Variants in FRYL observed in about 807,000 individuals in gnomAD.
FRYL encodes protein furry homolog-like.
Under a neutral mutation model 351.2 loss-of-function variants are expected in FRYL, and 150 were observed. The ratio of observed to expected loss-of-function variants is 0.43; its 90% CI spans 0.37 to 0.49. The LOEUF (loss-of-function observed/expected upper bound fraction) is 0.49. Among genes scored for constraint, FRYL ranks in the 20% least tolerant of loss-of-function variants. FRYL has a pLI of 0.00. For missense variants in FRYL, 3,036 were observed against 3,619.3 expected, an observed-to-expected ratio of 0.84 and a Z score of 4.13; for synonymous variants, 1,153 against 1,257.1, an observed-to-expected ratio of 0.92 and a Z score of 1.75.
At chr4:48,656,421 AT>A (rs1759158650) in intron 3 of FRYL, among the ~76,000 whole-genome samples, 1 of 35,024 alleles carries the variant, frequency 2.9e-5, no homozygotes, top group Non-Finnish European at 5.0e-5. Context: ...TAATGTATAT[AT>A]AATGTATAAT....
chr4:48,603,110 A>C (rs974180302), intron 12 of FRYL, among the ~76,000 whole-genome samples, 180 bp downstream of exon 12: 2 of 152,242 alleles, frequency 1.3e-5, no homozygotes, highest in Non-Finnish European at 2.9e-5. Flanking sequence ...AGTAAAATTA[A>C]GAACAGAACA....
chr4:48,637,756 A>G (rs1754529197), intron 3 of FRYL: 1 of 152,122 alleles, frequency 6.6e-6, no homozygotes, highest in Non-Finnish European at 1.5e-5. Context: ...AAATATCAGT[A>G]TTTTTGGATG....
At chr4:48,716,334 A>G (rs1768824376) in intron 1 of FRYL, among the ~76,000 whole-genome samples, 1 of 151,490 alleles carries the variant, frequency 6.6e-6, no homozygotes, top group African/African-American at 2.4e-5. Flanking sequence ...CAGAGTGAAC[A>G]GGCAACCCAC....
At chr4:48,659,138 G>T (rs955657586) in intron 3 of FRYL, among the ~76,000 whole-genome samples, 4 of 152,028 alleles carry the variant, frequency 2.6e-5, no homozygotes, top group African/African-American at 9.6e-5. Context: ...ATTGCTTGAG[G>T]CCAGGAGATC....
At position 48,605,694 on chromosome 4, in the gene FRYL, G is replaced by A. The variant is rs540358473; in HGVS notation, c.834+47C>T. ...AAAATAAAAGTATAAGGTTGATAAG[G>A]TTCTTGTATAACACACAAATGGTAT... On this transcript the variant is annotated intron_variant, in intron 11 of 63. Transcript: ENST00000358350. 4.2e-6 allele frequency: 5 copies of A among 1,191,196 alleles called. No homozygotes were observed. In the South Asian group the frequency reaches 6.3e-5, roughly 15 times the overall value. 73.8% of individuals were successfully genotyped at this position (1,191,196 alleles called of 1,614,324 possible). A position where few individuals can be genotyped will look rare whatever the true frequency, so the allele number is the denominator to read the frequency against.
At position 48,603,270 on chromosome 4, in the gene FRYL, T is replaced by C; in HGVS notation, c.933+20A>G. ...AAAATCCCAATTAAATATGAAAAGGTTTGAAATGTTTCTTAATACCAATGA... is the reference window on the plus strand; with the variant it reads ...AAAATCCCAATTAAATATGAAAAGGCTTGAAATGTTTCTTAATACCAATGA... On this transcript the variant is annotated intron_variant, in intron 12 of 63. Coordinates refer to ENST00000358350, the MANE Select transcript of FRYL (RefSeq NM_015030.2). The C allele has an allele frequency of 6.9e-7, 1 of 1,439,482 alleles. No individual in the cohort carries two copies. The highest frequency in any genetic ancestry group is 9.7e-7 in the Non-Finnish European group (1 of 1,033,728). 89.2% of individuals were successfully genotyped at this position (1,439,482 alleles called of 1,614,324 possible).
At chr4:48,546,347 T>C (rs1474179178) in intron 41 of FRYL, 76 bp from the exon 42 acceptor site, 1 of 1,143,516 alleles carries the variant, frequency 8.7e-7, no homozygotes, top group Non-Finnish European at 1.3e-6. Context: ...TAAACTGTTG[T>C]TCCTTAGACT....
At chr4:48,591,265 G>A (rs1309953294) in intron 16 of FRYL, among the ~76,000 whole-genome samples, 2 of 152,138 alleles carry the variant, frequency 1.3e-5, no homozygotes, top group African/African-American at 4.8e-5. Flanking sequence ...TTGGTATAGT[G>A]AGGGAGTGAC....
chr4:48,619,545 G>A (rs1414129283), intron 6 of FRYL, among the ~76,000 whole-genome samples, 175 bp from the exon 7 acceptor site: 1 of 152,048 alleles, frequency 6.6e-6, no homozygotes, highest in African/African-American at 2.4e-5. Context: ...ACAGGGTCTC[G>A]TTCTGTCACC....
At chr4:48,557,329 T>TC (rs1425228660) in intron 34 of FRYL, 124 bp downstream of exon 34, 6 of 1,326,018 alleles carry the variant, frequency 4.5e-6, no homozygotes, top group Non-Finnish European at 5.1e-6. Context: ...ATCTAATGAG[T>TC]CTTTTTTAAA....
intron 8 of FRYL, 136 bp from the exon 9 acceptor site, chr4:48,609,203 C>T (rs1747519295): frequency 3.2e-6 from 2 of 618,612 alleles, no homozygotes; most frequent in Non-Finnish European, 2.9e-6. Context: ...AAAAGCAATA[C>T]TAATTTTATT....
intron 4 of FRYL, among the ~76,000 whole-genome samples, chr4:48,627,915 C>A (rs1175920887): frequency 6.6e-6 from 1 of 152,178 alleles, no homozygotes; most frequent in Admixed American, 6.5e-5. Context: ...GGATTACAGG[C>A]GCCTACTACC....
chr4:48,765,065 G>A (rs184682758), intron 1 of FRYL, among the ~76,000 whole-genome samples: 12 of 152,158 alleles, frequency 7.9e-5, no homozygotes, highest in Non-Finnish European at 1.6e-4. Flanking sequence ...AGCTGCTCTT[G>A]AACTCCTGAC....
chr4:48,639,457 A>C (rs1754903873), intron 3 of FRYL, among the ~76,000 whole-genome samples: 1 of 147,506 alleles, frequency 6.8e-6, no homozygotes, highest in Admixed American at 6.9e-5. Flanking sequence ...TGCCACAAAT[A>C]GTACTAGAAT....
intron 3 of FRYL, among the ~76,000 whole-genome samples, chr4:48,668,730 G>A (rs935914711): frequency 2.0e-5 from 3 of 152,158 alleles, no homozygotes; most frequent in African/African-American, 2.4e-5. Flanking sequence ...GAGGCTAGGC[G>A]GTGAGGAAAA....
At chr4:48,630,394 T>C (rs1368843076) in intron 4 of FRYL, among the ~76,000 whole-genome samples, 2 of 152,066 alleles carry the variant, frequency 1.3e-5, no homozygotes, top group Non-Finnish European at 2.9e-5. Flanking sequence ...TCAAAAAAAA[T>C]AGTGAAAATT....
At chr4:48,612,617 C>T (rs1227012967) in intron 7 of FRYL, among the ~76,000 whole-genome samples, 2 of 152,192 alleles carry the variant, frequency 1.3e-5, no homozygotes, top group African/African-American at 2.4e-5. Context: ...CTCTGTCACC[C>T]AGGCTGGATA....
chr4:48,538,851 T>C (rs570711449), intron 47 of FRYL, among the ~76,000 whole-genome samples: 4 of 152,260 alleles, frequency 2.6e-5, no homozygotes, highest in African/African-American at 9.6e-5. Flanking sequence ...CTTAGAACTG[T>C]TTATATTTTC....
In FRYL at chr4:48,548,675, C is replaced by G. The variant is rs1276615280; in HGVS notation, c.4888+15G>C. ...AAAATATAACATGAAAGAATTAGAACCAAATATTTATTACCTATAAAAATT... is the reference window on the plus strand; with the variant it reads ...AAAATATAACATGAAAGAATTAGAAGCAAATATTTATTACCTATAAAAATT... On this transcript the variant is annotated intron_variant, in intron 40 of 63. Coordinates refer to ENST00000358350, the MANE Select transcript of FRYL (RefSeq NM_015030.2). The G allele has an allele frequency of 7.5e-7, 1 of 1,341,438 alleles. No homozygotes were observed. Among genetic ancestry groups the G allele is most frequent in the Admixed American group, 1.7e-5 (1 of 57,432 alleles). The allele number at this position is 1,341,438 out of a possible 1,614,324, so 83.1% of individuals were successfully genotyped here. A position where few individuals can be genotyped will look rare whatever the true frequency, so the allele number is the denominator to read the frequency against.
Sources: gnomAD v4.1 joint callset for allele counts (sites outside exome capture counted in the v4.1 genomes callset) on GRCh38, gnomAD v4.1.1 for gene constraint, MANE v1.5 for transcripts, NCBI Gene and HGNC (gene_info 2026-07-23, HGNC 2026-07-21) for gene names.